The following RYR2 variants were observed in gnomAD, a reference collection of about 807,000 sequenced individuals.
RYR2 encodes ryanodine receptor 2.
RYR2 carries 227 observed loss-of-function variants against 601.1 expected under a neutral mutation model. The ratio of observed to expected loss-of-function variants is 0.38; its 90% CI spans 0.34 to 0.42. The LOEUF is 0.42. Among genes scored for constraint, RYR2 ranks in the 10% least tolerant of loss-of-function variants. The pLI is 1.00. For synonymous variants in RYR2, 2,223 were observed against 2,175.1 expected, an observed-to-expected ratio of 1.02 and a Z score of -0.61; for missense variants, 4,646 against 6,156.5, an observed-to-expected ratio of 0.75 and a Z score of 8.21.
At chr1:237,354,620 C>G (rs564513862) in intron 3 of RYR2, among the ~76,000 whole-genome samples, 3 of 152,106 alleles carry the variant, frequency 2.0e-5, no homozygotes, top group South Asian at 2.1e-4. Context: ...GCTGGACATG[C>G]CTTTTTTGCT....
At chr1:237,480,378 C>CAAAAAA (rs61271895) in intron 17 of RYR2, among the ~76,000 whole-genome samples, 8 of 57,658 alleles carry the variant, frequency 1.4e-4, no homozygotes, top group Admixed American at 1.9e-4. Flanking sequence ...AAGATCATCT[C>CAAAAAA]AAAAAAAAAA....
At chr1:237,594,911 T>TG (rs1289269092) in intron 33 of RYR2, among the ~76,000 whole-genome samples, 226 of 73,582 alleles carry the variant, frequency 3.1e-3, no homozygotes, top group Middle Eastern at 0.019. Context: ...TTTTTTTTTT[T>TG]TTTTTTTTTT....
chr1:237,437,180 G>A (rs954136372), intron 12 of RYR2, among the ~76,000 whole-genome samples: 4 of 151,746 alleles, frequency 2.6e-5, no homozygotes, highest in African/African-American at 9.7e-5. Context: ...AAGTAGCTGG[G>A]ACTACAGGCA....
intron 87 of RYR2, 141 bp from the exon 88 acceptor site, chr1:237,778,525 A>C: frequency 2.2e-6 from 1 of 456,330 alleles, no homozygotes; most frequent in South Asian, 5.9e-5. Flanking sequence ...TCCTTCTTTC[A>C]CTTTGAGTTC....
intron 58 of RYR2, among the ~76,000 whole-genome samples, chr1:237,672,083 G>T (rs925594398): frequency 6.6e-6 from 1 of 152,116 alleles, no homozygotes; most frequent in Non-Finnish European, 1.5e-5. Context: ...GGAAAGTTGA[G>T]GGTGGAGGAG....
chr1:237,425,235 A>T (rs1706028430), intron 12 of RYR2, among the ~76,000 whole-genome samples: 1 of 152,188 alleles, frequency 6.6e-6, no homozygotes, highest in Admixed American at 6.6e-5. Context: ...CAACGTTTTG[A>T]TGAATTTCCT....
At chr1:237,642,647 G>T (rs1681681586) in intron 47 of RYR2, among the ~76,000 whole-genome samples, 1 of 152,150 alleles carries the variant, frequency 6.6e-6, no homozygotes, top group South Asian at 2.1e-4. Flanking sequence ...CAGAAATTGT[G>T]CTTGAGTTTC....
chr1:237,107,519 C>CAACAAAAAAAAA lies in RYR2; in HGVS notation c.48+64952_48+64953insCAAAAAAAAAAA, dbSNP rs766157271. 1.0e-4 allele frequency among the ~76,000 whole-genome samples: 4 copies of CAACAAAAAAAAA among 38,910 alleles called. 1 individual carries two copies. The highest frequency in any genetic ancestry group is 2.1e-4 in the Non-Finnish European group (4 of 19,368). The allele number at this position is 38,910 out of a possible 152,430, so 25.5% of individuals were successfully genotyped here. ...TGGGAGACAGAGTGAGACTCCATCT[C>CAACAAAAAAAAA]AAAAAAAAAAAAAAAAAGGAAACAT... On this transcript the variant is annotated intron_variant, in intron 1 of 104. Coordinates refer to ENST00000366574, the MANE Select transcript of RYR2 (RefSeq NM_001035.3).
chr1:237,561,460 G>A (rs1172037336), intron 27 of RYR2, among the ~76,000 whole-genome samples: 1 of 152,148 alleles, frequency 6.6e-6, no homozygotes, highest in Non-Finnish European at 1.5e-5. Flanking sequence ...GGGAGAAAAT[G>A]TCTTCAGAAT....
chr1:237,121,855 G>A (rs1162410133), intron 1 of RYR2, among the ~76,000 whole-genome samples: 1 of 152,096 alleles, frequency 6.6e-6, no homozygotes, highest in Non-Finnish European at 1.5e-5. Context: ...ATTTAGATGT[G>A]GTGTATTTGA....
At chr1:237,284,468 C>G (rs946919696) in intron 2 of RYR2, among the ~76,000 whole-genome samples, 5 of 56,622 alleles carry the variant, frequency 8.8e-5, no homozygotes, top group African/African-American at 8.3e-4. Context: ...TAGTAATCCA[C>G]TATATATACA....
At chr1:237,768,030 A>T (rs189648205) in intron 84 of RYR2, among the ~76,000 whole-genome samples, 2 of 152,184 alleles carry the variant, frequency 1.3e-5, no homozygotes, top group Non-Finnish European at 2.9e-5. Flanking sequence ...TTTGGAGTCT[A>T]TTTATCCTAA....
Position 237,651,520 on chromosome 1 carries a change from T to C in RYR2, c.7824+19T>C. 1 of 1,418,476 alleles carries C rather than the reference T, an allele frequency of 7.0e-7. No individual in the cohort carries two copies. Among genetic ancestry groups the C allele is most frequent in the South Asian group, 1.2e-5 (1 of 80,306 alleles). The allele number at this position is 1,418,476 out of a possible 1,614,324, so 87.9% of individuals were successfully genotyped here. A position where few individuals can be genotyped will look rare whatever the true frequency, so the allele number is the denominator to read the frequency against. On this transcript the variant is annotated intron_variant, in intron 51 of 104. Transcript: ENST00000366574. ...TCTTAAAGTAAGTATAGGAAATGTT[T>C]GTAGATATTTGATTACTGGCTTCTC...
chr1:237,125,845 C>T (rs1671349335), intron 1 of RYR2, among the ~76,000 whole-genome samples: 1 of 152,098 alleles, frequency 6.6e-6, no homozygotes, highest in Non-Finnish European at 1.5e-5. Context: ...CTGTAATGTA[C>T]AAAACTGAGT....
chr1:237,107,948 T>C (rs1668929304), intron 1 of RYR2, among the ~76,000 whole-genome samples: 1 of 152,168 alleles, frequency 6.6e-6, no homozygotes, highest in Non-Finnish European at 1.5e-5. Context: ...TACTCCTTTG[T>C]GGGGCTGTTT....
At chr1:237,440,982 T>A (rs1707847170) in intron 12 of RYR2, among the ~76,000 whole-genome samples, 1 of 129,802 alleles carries the variant, frequency 7.7e-6, no homozygotes, top group African/African-American at 2.8e-5. Context: ...AAATCTATGC[T>A]CTTAATCACT....
chr1:237,447,730 C>T (rs907721982), intron 14 of RYR2, among the ~76,000 whole-genome samples: 2 of 151,008 alleles, frequency 1.3e-5, no homozygotes, highest in Admixed American at 1.3e-4. Flanking sequence ...GTACCTCACA[C>T]CTTTTGATTT....
At chr1:237,084,031 C>G (rs1055030655) in intron 1 of RYR2, among the ~76,000 whole-genome samples, 11 of 152,134 alleles carry the variant, frequency 7.2e-5, no homozygotes, top group African/African-American at 2.7e-4. Context: ...TCTGTTCTCC[C>G]TGGGCCTCTC....
At chr1:237,117,582 CTTTTCTCTTCTT>C (rs1460072834) in intron 1 of RYR2, among the ~76,000 whole-genome samples, 2 of 152,038 alleles carry the variant, frequency 1.3e-5, no homozygotes, top group Non-Finnish European at 2.9e-5. Context: ...ATTGACTTTT[CTTTTCTCTTCTT>C]TTTTCTCTTC....
Sources: gnomAD v4.1 joint callset for allele counts (sites outside exome capture counted in the v4.1 genomes callset) on GRCh38, gnomAD v4.1.1 for gene constraint, MANE v1.5 for transcripts, NCBI Gene and HGNC (gene_info 2026-07-23, HGNC 2026-07-21) for gene names.